Variants in RNASE4 observed in about 807,000 individuals in gnomAD.
RNASE4 encodes the protein ribonuclease A family member 4, also known as ribonuclease 4.
For synonymous variants in RNASE4, 93 were observed against 71.4 expected (o/e 1.30, Z -1.52); for missense variants, 194 against 192.8 (o/e 1.01, Z -0.04).
chr14:20,685,567 T>C (rs1886384188), intron 1 of RNASE4, among the ~76,000 whole-genome samples: 1 of 152,220 alleles, frequency 6.6e-6, no homozygotes. Flanking sequence ...TAACAAGTTT[T>C]GCAAGAGGAT....
intron 1 of RNASE4, among the ~76,000 whole-genome samples, chr14:20,688,106 G>A (rs1454744559): frequency 1.3e-5 from 2 of 152,182 alleles, no homozygotes; most frequent in African/African-American, 4.8e-5. Context: ...AGGATCAGAA[G>A]ATTGAATGTT....
At chr14:20,693,585 TTTG>T in intron 1 of RNASE4, 1 of 1,613,250 alleles carries the variant, frequency 6.2e-7, no homozygotes, top group South Asian at 1.1e-5. Flanking sequence ...GCCTGGGCGT[TTTG>T]TTGTTGGTCT....
chr14:20,685,122 C>G (rs1328703901), intron 1 of RNASE4, among the ~76,000 whole-genome samples: 2 of 152,178 alleles, frequency 1.3e-5, no homozygotes, highest in African/African-American at 4.8e-5. Context: ...CTTTTTGAAG[C>G]AGGCCTTAGT....
chr14:20,692,542 T>G (rs575585200), intron 1 of RNASE4, among the ~76,000 whole-genome samples: 14 of 152,382 alleles, frequency 9.2e-5, no homozygotes, highest in African/African-American at 2.6e-4. Flanking sequence ...TCATAGGAGC[T>G]GGACGCCTAT....
chr14:20,699,504 G>A lies in RNASE4; in HGVS notation c.133G>A (p.Glu45Lys). ...CCTGCGGCAACACGTGCACCCTGAGGAGACAGGTGGCAGTGATCGCTACTG... is the reference window on the plus strand; with the variant it reads ...CCTGCGGCAACACGTGCACCCTGAGAAGACAGGTGGCAGTGATCGCTACTG... Reference protein sequence around the residue: ...RFLRQHVHPEETGGSDRYCNL... With the variant: ...RFLRQHVHPEKTGGSDRYCNL... Residue 45 changes from glutamate to lysine, a missense_variant, in exon 2 of 2, where the codon GAG becomes AAG. Physicochemically the swap from Glu to Lys is moderately conservative, Grantham distance 56. Coordinates refer to ENST00000555835, the MANE Select transcript of RNASE4 (RefSeq NM_002937.5). The A allele has an allele frequency of 6.2e-7, 1 of 1,614,120 alleles. No homozygotes were observed.
intron 1 of RNASE4, among the ~76,000 whole-genome samples, chr14:20,685,336 C>A (rs905602132): frequency 2.6e-5 from 4 of 152,186 alleles, no homozygotes; most frequent in Admixed American, 6.5e-5. Flanking sequence ...AATAGCAGCA[C>A]ATGAGTAAAG....
intron 1 of RNASE4, chr14:20,693,797 A>T (rs758743573): frequency 6.2e-7 from 1 of 1,614,214 alleles, no homozygotes; most frequent in African/African-American, 1.3e-5. Context: ...CGCAGCATCA[A>T]GGCCATCTGT....
At chr14:20,699,316 T>G in intron 1 of RNASE4, 39 bp from the exon 2 acceptor site, 1 of 1,510,988 alleles carries the variant, frequency 6.6e-7, no homozygotes, top group Non-Finnish European at 8.8e-7. Flanking sequence ...AGTGCCCAGT[T>G]CTTACCTTAT....
chr14:20,686,537 C>G (rs773098543), intron 1 of RNASE4, among the ~76,000 whole-genome samples: 1 of 152,124 alleles, frequency 6.6e-6, no homozygotes, highest in Non-Finnish European at 1.5e-5. Flanking sequence ...CAGTTATTCC[C>G]GGAAGAATGC....
Position 20,699,335 on chromosome 14 carries a change from C to G in RNASE4, c.-17-20C>G. On this transcript the variant is annotated intron_variant, in intron 1 of 1. Transcript: ENST00000555835. ...CCCAGTTCTTACCTTATTTCTCCTG[C>G]CCCTTGCTTTCTTTTCTAGGCACCT... 6.5e-7 allele frequency: 1 copy of G among 1,535,300 alleles called. No individual in the cohort carries two copies. The highest frequency in any genetic ancestry group is 8.7e-7 in the Non-Finnish European group (1 of 1,143,768).
chr14:20,693,817 A>C lies in RNASE4; in HGVS notation c.-17-5538A>C, dbSNP rs1566602553. Reference sequence around the variant, plus strand: ...CATCAAGGCCATCTGTGAAAACAAGAATGGAAACCCTCACAGAGAAAACCT... The same window carrying C: ...CATCAAGGCCATCTGTGAAAACAAGCATGGAAACCCTCACAGAGAAAACCT... On this transcript the variant is annotated intron_variant, in intron 1 of 1. Transcript: ENST00000555835. The C allele has an allele frequency of 1.2e-6, 2 of 1,614,208 alleles. No individual in the cohort carries two copies.
At chr14:20,698,439 T>C (rs557900615) in intron 1 of RNASE4, among the ~76,000 whole-genome samples, 14 of 152,372 alleles carry the variant, frequency 9.2e-5, no homozygotes, top group South Asian at 8.3e-4. Context: ...ATTTATTTTT[T>C]AAACATTTCT....
intron 1 of RNASE4, among the ~76,000 whole-genome samples, chr14:20,686,664 GCAGGAC>G (rs1886440847): frequency 6.6e-6 from 1 of 152,230 alleles, no homozygotes; most frequent in African/African-American, 2.4e-5. Context: ...AGGCATGTCA[GCAGGAC>G]TTTGTCCCCA....
At chr14:20,696,009 A>G (rs901780106) in intron 1 of RNASE4, among the ~76,000 whole-genome samples, 4 of 152,242 alleles carry the variant, frequency 2.6e-5, no homozygotes, top group African/African-American at 9.6e-5. Context: ...AGTTTCTGGT[A>G]AACTATTTGG....
intron 1 of RNASE4, among the ~76,000 whole-genome samples, chr14:20,695,988 G>C (rs892634045): frequency 6.6e-6 from 1 of 152,188 alleles, no homozygotes; most frequent in Non-Finnish European, 1.5e-5. Flanking sequence ...CTCAGGAAAT[G>C]AGAAAGTCCC....
chr14:20,697,834 T>C (rs1335965096), intron 1 of RNASE4, among the ~76,000 whole-genome samples: 1 of 152,206 alleles, frequency 6.6e-6, no homozygotes, highest in Non-Finnish European at 1.5e-5. Context: ...TCAGGGATGA[T>C]TTTTCTTTGC....
chr14:20,692,614 T>A (rs997623960), intron 1 of RNASE4, among the ~76,000 whole-genome samples: 2 of 152,224 alleles, frequency 1.3e-5, no homozygotes, highest in Non-Finnish European at 2.9e-5. Context: ...AACTAATGCT[T>A]GATGATCTAT....
In RNASE4 at chr14:20,693,134, A is replaced by G. The variant is rs369598311; in HGVS notation, c.-17-6221A>G. ...AGTGCTGGGATTACAGGCGTGAGCC[A>G]CCGCGCCCGGCCGTCATTTGGTATG... On this transcript the variant is annotated intron_variant, in intron 1 of 1. Coordinates refer to ENST00000555835, the MANE Select transcript of RNASE4 (RefSeq NM_002937.5). 2.6e-5 allele frequency among the ~76,000 whole-genome samples: 4 copies of G among 152,352 alleles called. No individual in the cohort carries two copies. The East Asian group carries it at 7.7e-4, about 29-fold the overall frequency.
chr14:20,690,242 A>G (rs1022796744), intron 1 of RNASE4, among the ~76,000 whole-genome samples: 2 of 150,146 alleles, frequency 1.3e-5, no homozygotes, highest in East Asian at 1.9e-4. Flanking sequence ...AAAAAAAAAA[A>G]AAAAAAGAAA....
Sources: gnomAD v4.1 joint callset for allele counts (sites outside exome capture counted in the v4.1 genomes callset) on GRCh38, gnomAD v4.1.1 for gene constraint, MANE v1.5 for transcripts, NCBI Gene and HGNC (gene_info 2026-07-23, HGNC 2026-07-21) for gene names.